The following ROBO1 variants were observed in gnomAD, a reference collection of about 807,000 sequenced individuals.
The protein encoded by ROBO1 is roundabout guidance receptor 1, also known as roundabout homolog 1.
Under a neutral mutation model 195.9 loss-of-function variants are expected in ROBO1, and 149 were observed. That is an observed-to-expected ratio of 0.76 (90% CI 0.67 to 0.87). The LOEUF (loss-of-function observed/expected upper bound fraction) is 0.87. Among genes scored for constraint, ROBO1 ranks in the 40% least tolerant of loss-of-function variants. The pLI is 0.00. For missense variants in ROBO1, 1,933 were observed against 2,068.3 expected (o/e 0.93, Z 1.27); for synonymous variants, 816 against 733.2 (o/e 1.11, Z -1.82).
At position 78,597,512 on chromosome 3, in the gene ROBO1, ATACT is replaced by A. The variant is rs1262208680; in HGVS notation, c.*1397_*1400del. ...TTGTTTTCCACTGGGGTCAGACCTG[ATACT>A]TATCTATCTATGAATAAATGTACAT... On this transcript the variant is annotated 3_prime_UTR_variant, in exon 31 of 31. Transcript: ENST00000464233. 4.6e-5 allele frequency: 7 copies of A among 152,582 alleles called. No individual in the cohort carries two copies. Among genetic ancestry groups the A allele is most frequent in the African/African-American group, 1.4e-4 (6 of 41,512 alleles). 9.5% of individuals were successfully genotyped at this position (152,582 alleles called of 1,614,324 possible).
intron 4 of ROBO1, among the ~76,000 whole-genome samples, chr3:78,772,188 C>T (rs1470950139): frequency 7.8e-6 from 1 of 127,720 alleles, no homozygotes; most frequent in Non-Finnish European, 1.7e-5. Flanking sequence ...CTACTATAGT[C>T]TACCTTTGGA....
chr3:79,611,201 G>GA (rs60365200), intron 1 of ROBO1, among the ~76,000 whole-genome samples: 2 of 151,704 alleles, frequency 1.3e-5, no homozygotes, highest in South Asian at 2.1e-4. Flanking sequence ...TCTTTTAATA[G>GA]AAAAAAATTC....
At chr3:78,885,888 C>A (rs2036529729) in intron 4 of ROBO1, among the ~76,000 whole-genome samples, 1 of 135,786 alleles carries the variant, frequency 7.4e-6, no homozygotes, top group African/African-American at 2.8e-5. Context: ...TTTTCAAGAC[C>A]CTACTACTGA....
At chr3:79,516,290 T>G (rs1212258616) in intron 2 of ROBO1, among the ~76,000 whole-genome samples, 1 of 152,198 alleles carries the variant, frequency 6.6e-6, no homozygotes, top group Non-Finnish European at 1.5e-5. Context: ...CTAGATCAAA[T>G]GCTTTTAAAA....
intron 2 of ROBO1, among the ~76,000 whole-genome samples, chr3:79,232,498 A>G (rs913573676): frequency 2.0e-5 from 3 of 151,702 alleles, no homozygotes; most frequent in Non-Finnish European, 4.4e-5. Flanking sequence ...TCTAGAGCCA[A>G]TGGAGAACAC....
chr3:79,271,286 A>T (rs2030529693), intron 2 of ROBO1, among the ~76,000 whole-genome samples: 1 of 151,864 alleles, frequency 6.6e-6, no homozygotes. Flanking sequence ...CTTACTTTTC[A>T]TGTCCCCTCA....
intron 17 of ROBO1, among the ~76,000 whole-genome samples, chr3:78,658,602 T>C (rs984147259): frequency 1.3e-5 from 2 of 152,232 alleles, no homozygotes; most frequent in Non-Finnish European, 1.5e-5. Context: ...ATATTCCTTA[T>C]GATGTTCTCA....
At chr3:79,010,830 G>A (rs1017249148) in intron 3 of ROBO1, among the ~76,000 whole-genome samples, 1 of 152,124 alleles carries the variant, frequency 6.6e-6, no homozygotes, top group Non-Finnish European at 1.5e-5. Context: ...GTCAGTGAAT[G>A]CCCCTCCTAT....
intron 2 of ROBO1, among the ~76,000 whole-genome samples, chr3:79,556,630 GTAT>G (rs937331442): frequency 4.6e-4 from 70 of 151,894 alleles, no homozygotes; most frequent in African/African-American, 1.7e-3. Flanking sequence ...TTGTATATAT[GTAT>G]TATATTGTAT....
chr3:79,234,054 T>G (rs993215923), intron 2 of ROBO1, among the ~76,000 whole-genome samples: 1 of 152,148 alleles, frequency 6.6e-6, no homozygotes, highest in Admixed American at 6.6e-5. Flanking sequence ...CTTATTCAAT[T>G]GTTTAAGTTC....
chr3:79,008,968 C>T (rs2077704505), intron 3 of ROBO1, among the ~76,000 whole-genome samples: 1 of 149,628 alleles, frequency 6.7e-6, no homozygotes, highest in African/African-American at 2.5e-5. Flanking sequence ...TGAGATGAGT[C>T]TCGCTGTTGT....
At chr3:78,772,545 A>AT (rs1378674404) in intron 4 of ROBO1, among the ~76,000 whole-genome samples, 2 of 152,106 alleles carry the variant, frequency 1.3e-5, no homozygotes, top group Non-Finnish European at 2.9e-5. Flanking sequence ...CTTTGAAATA[A>AT]TTCTAAGATT....
At chr3:78,797,950 A>C (rs1360295570) in intron 4 of ROBO1, among the ~76,000 whole-genome samples, 3 of 152,194 alleles carry the variant, frequency 2.0e-5, no homozygotes, top group East Asian at 1.9e-4. Context: ...GTAATATGCT[A>C]TCAGGTATTA....
At chr3:78,889,385 T>A (rs1248823194) in intron 4 of ROBO1, among the ~76,000 whole-genome samples, 3 of 152,154 alleles carry the variant, frequency 2.0e-5, no homozygotes, top group Admixed American at 2.0e-4. Flanking sequence ...GTACACAGAA[T>A]CCTAAAATTA....
At position 78,880,237 on chromosome 3, in the gene ROBO1, T is replaced by G. The variant is rs111480709; in HGVS notation, c.499+58364A>C. ...ATGTAATTTAATATGTGGTAAATCCTACCAGTCCTACCAGTTAGGATCAGA... is the reference window on the plus strand; with the variant it reads ...ATGTAATTTAATATGTGGTAAATCCGACCAGTCCTACCAGTTAGGATCAGA... On this transcript the variant is annotated intron_variant, in intron 4 of 30. Coordinates refer to ENST00000464233, the MANE Select transcript of ROBO1 (RefSeq NM_002941.4). Among the ~76,000 whole-genome samples the G allele has an allele frequency of 8.6e-3, 1,317 of 152,320 alleles. 24 individuals carry two copies. The highest frequency in any genetic ancestry group is 0.027 in the African/African-American group (1,139 of 41,580).
At chr3:79,050,864 G>A (rs1051950737) in intron 3 of ROBO1, among the ~76,000 whole-genome samples, 1 of 152,094 alleles carries the variant, frequency 6.6e-6, no homozygotes, top group Non-Finnish European at 1.5e-5. Context: ...AAGCCAGTGA[G>A]AACAAAGACA....
chr3:79,485,910 C>T (rs1177200436), intron 2 of ROBO1, among the ~76,000 whole-genome samples: 3 of 152,158 alleles, frequency 2.0e-5, no homozygotes, highest in Non-Finnish European at 4.4e-5. Flanking sequence ...TCCCATGTCC[C>T]ATATCCGAAT....
At chr3:79,211,588 A>G (rs1181432952) in intron 2 of ROBO1, among the ~76,000 whole-genome samples, 3 of 152,190 alleles carry the variant, frequency 2.0e-5, no homozygotes, top group Non-Finnish European at 2.9e-5. Flanking sequence ...TTGTCTTCCA[A>G]TTTGGAAATC....
At chr3:79,241,948 CTT>C (rs11383398) in intron 2 of ROBO1, among the ~76,000 whole-genome samples, 8 of 145,708 alleles carry the variant, frequency 5.5e-5, no homozygotes, top group African/African-American at 1.5e-4. Context: ...TTAATTTAAG[CTT>C]TTTTTTTTTT....
Sources: gnomAD v4.1 joint callset for allele counts (sites outside exome capture counted in the v4.1 genomes callset) on GRCh38, gnomAD v4.1.1 for gene constraint, MANE v1.5 for transcripts, NCBI Gene and HGNC (gene_info 2026-07-23, HGNC 2026-07-21) for gene names.